NTM: variants seen among roughly 807,000 people sequenced by gnomAD.
The protein encoded by NTM is IgLON family member 2.
A neutral mutation model predicts 42.1 loss-of-function variants in NTM; 13 were observed. That is an observed-to-expected ratio of 0.31 (90% CI 0.20 to 0.49). The LOEUF (loss-of-function observed/expected upper bound fraction) is 0.49. Among genes scored for constraint, NTM ranks in the 20% least tolerant of loss-of-function variants. The pLI, the probability that NTM is intolerant of heterozygous loss-of-function variation, is 0.99. For synonymous variants in NTM, 187 were observed against 179.2 expected, an observed-to-expected ratio of 1.04 and a Z score of -0.35; for missense variants, 373 against 452.8, an observed-to-expected ratio of 0.82 and a Z score of 1.60.
At chr11:132,138,928 A>C (rs970914016) in intron 2 of NTM, among the ~76,000 whole-genome samples, 1 of 152,196 alleles carries the variant, frequency 6.6e-6, no homozygotes, top group Non-Finnish European at 1.5e-5. Flanking sequence ...GGCATCCCAT[A>C]GTTCAGTCAA....
intron 1 of NTM, among the ~76,000 whole-genome samples, chr11:131,861,522 A>C (rs1488794009): frequency 6.6e-6 from 1 of 152,166 alleles, no homozygotes; most frequent in Non-Finnish European, 1.5e-5. Context: ...AAACAACTTG[A>C]TAGATTTTCC....
At chr11:131,846,093 T>G (rs2044869223) in intron 1 of NTM, among the ~76,000 whole-genome samples, 1 of 152,200 alleles carries the variant, frequency 6.6e-6, no homozygotes, top group Non-Finnish European at 1.5e-5. Flanking sequence ...ACATGTATAA[T>G]TTGATTTTCC....
At chr11:131,833,283 T>C (rs960831212) in intron 1 of NTM, among the ~76,000 whole-genome samples, 11 of 152,222 alleles carry the variant, frequency 7.2e-5, no homozygotes, top group East Asian at 5.8e-4. Flanking sequence ...AGCTTTGTCC[T>C]TGTGATTAAT....
chr11:131,789,492 G>GAAGAAGAAGAAGAAAGAAGAAGAA (rs1565550943), intron 1 of NTM, among the ~76,000 whole-genome samples: 1 of 3,156 alleles, frequency 3.2e-4, no homozygotes, highest in Admixed American at 4.5e-3. Flanking sequence ...AAGAAGAAGA[G>GAAGAAGAAGAAGAAAGAAGAAGAA]GAAAGAAGAA....
chr11:132,320,035 A>G (rs949889966), intron 7 of NTM, among the ~76,000 whole-genome samples: 1 of 152,226 alleles, frequency 6.6e-6, no homozygotes, highest in African/African-American at 2.4e-5. Context: ...GCAAACTCCA[A>G]CAGACCTGCA....
intron 1 of NTM, among the ~76,000 whole-genome samples, chr11:131,837,714 G>A (rs1435609896): frequency 6.6e-6 from 1 of 152,022 alleles, no homozygotes; most frequent in African/African-American, 2.4e-5. Flanking sequence ...GCACCCGAGG[G>A]CTATGCGTGG....
At chr11:131,795,626 G>C (rs962350764) in intron 1 of NTM, 6 of 985,326 alleles carry the variant, frequency 6.1e-6, no homozygotes, top group Non-Finnish European at 7.2e-6. Context: ...CCTTGTAGGA[G>C]CTTGATTCCC....
chr11:131,845,717 T>A (rs953398478), intron 1 of NTM, among the ~76,000 whole-genome samples: 6 of 151,952 alleles, frequency 3.9e-5, no homozygotes, highest in Non-Finnish European at 5.9e-5. Flanking sequence ...GGATTTTTTT[T>A]AAAATATCTT....
chr11:132,310,369 C>A, intron 6 of NTM, 137 bp downstream of exon 6: 1 of 766,486 alleles, frequency 1.3e-6, no homozygotes, highest in Non-Finnish European at 1.9e-6. Context: ...GGCAAATGTG[C>A]AAAGAAGTCT....
intron 1 of NTM, among the ~76,000 whole-genome samples, chr11:131,614,330 G>A (rs1199032956): frequency 3.9e-5 from 6 of 152,194 alleles, no homozygotes; most frequent in African/African-American, 1.2e-4. Context: ...TGCAGAGTTC[G>A]GAAGGAATCC....
intron 1 of NTM, among the ~76,000 whole-genome samples, chr11:131,549,639 C>T (rs552335042): frequency 2.0e-5 from 3 of 152,208 alleles, no homozygotes; most frequent in Non-Finnish European, 4.4e-5. Flanking sequence ...AGGGGCTGTG[C>T]TTTCTGGGAC....
intron 1 of NTM, among the ~76,000 whole-genome samples, chr11:131,816,675 C>G (rs2092964524): frequency 6.6e-6 from 1 of 152,100 alleles, no homozygotes. Flanking sequence ...AGAATTAGAT[C>G]CCACTTTCTT....
chr11:132,175,352 T>TG (rs1167639318), intron 3 of NTM, among the ~76,000 whole-genome samples: 2 of 152,020 alleles, frequency 1.3e-5, no homozygotes, highest in African/African-American at 2.4e-5. Flanking sequence ...CCCTGGCTCC[T>TG]GCTCTCCACG....
chr11:131,504,721 A>C (rs448801), intron 1 of NTM, among the ~76,000 whole-genome samples: 1 of 151,612 alleles, frequency 6.6e-6, no homozygotes, highest in Admixed American at 6.6e-5. Flanking sequence ...GTGCCCTCAC[A>C]TGTCTGTCAG....
chr11:132,061,279 C>T (rs971232567), intron 2 of NTM, among the ~76,000 whole-genome samples: 7 of 152,146 alleles, frequency 4.6e-5, no homozygotes, highest in African/African-American at 1.2e-4. Context: ...TTTTTGTGTA[C>T]GTTCTAATAG....
intron 2 of NTM, among the ~76,000 whole-genome samples, chr11:131,975,661 TG>T (rs1213601901): frequency 2.0e-5 from 3 of 152,232 alleles, no homozygotes; most frequent in African/African-American, 2.4e-5. Context: ...GTGTTTGTTT[TG>T]TGCCTTTTCT....
At chr11:131,927,400 A>T (rs539828823) in intron 2 of NTM, among the ~76,000 whole-genome samples, 202 of 152,290 alleles carry the variant, frequency 1.3e-3, no homozygotes, top group African/African-American at 4.7e-3. Flanking sequence ...CTGGCCTTGG[A>T]GCCATTGTCA....
intron 2 of NTM, among the ~76,000 whole-genome samples, chr11:132,062,990 A>G (rs1381357891): frequency 1.3e-5 from 2 of 152,152 alleles, no homozygotes; most frequent in Non-Finnish European, 2.9e-5. Context: ...GGGCTCCTAG[A>G]GCAAAATACC....
intron 3 of NTM, among the ~76,000 whole-genome samples, chr11:132,157,755 AC>A (rs1162162824): frequency 2.0e-5 from 3 of 152,120 alleles, no homozygotes; most frequent in Non-Finnish European, 2.9e-5. Flanking sequence ...TTCTTTCCTG[AC>A]CATCCTCTGA....
Sources: allele counts gnomAD v4.1 joint callset (sites outside exome capture counted in the v4.1 genomes callset), GRCh38; gene constraint gnomAD v4.1.1; transcripts MANE v1.5; gene names NCBI Gene and HGNC (gene_info 2026-07-23, HGNC 2026-07-21).